Variants in ZNF407 observed in about 807,000 individuals in gnomAD.
The protein encoded by ZNF407 is zinc finger protein 407.
A neutral mutation model predicts 131.2 loss-of-function variants in ZNF407; 17 were observed. That is an observed-to-expected ratio of 0.13 (90% CI 0.09 to 0.19). The LOEUF (loss-of-function observed/expected upper bound fraction) is 0.19, where lower values mean the gene tolerates loss of function less well. Ranked by LOEUF, ZNF407 falls within the 10% of genes least tolerant of loss-of-function variation. The pLI is 1.00. For missense variants in ZNF407, 2,681 were observed against 2,830.6 expected (o/e 0.95, Z 1.20); for synonymous variants, 1,156 against 1,062.0 (o/e 1.09, Z -1.72).
chr18:74,668,073 A>AC (rs1241390028), intron 3 of ZNF407, among the ~76,000 whole-genome samples: 2 of 152,008 alleles, frequency 1.3e-5, no homozygotes, highest in African/African-American at 4.8e-5. Context: ...AGCATCCCTA[A>AC]CCCAAGAACC....
intron 3 of ZNF407, among the ~76,000 whole-genome samples, chr18:74,684,923 C>T (rs1967063419): frequency 6.6e-6 from 1 of 151,770 alleles, no homozygotes; most frequent in Non-Finnish European, 1.5e-5. Context: ...ACTTTCTTCA[C>T]CAGTTTATTT....
At chr18:74,818,894 A>G (rs942737825) in intron 4 of ZNF407, among the ~76,000 whole-genome samples, 8 of 151,084 alleles carry the variant, frequency 5.3e-5, no homozygotes, top group African/African-American at 1.9e-4. Context: ...AAACATGAAT[A>G]AAGACTAAAG....
At chr18:75,032,973 G>C (rs1293579623) in intron 8 of ZNF407, among the ~76,000 whole-genome samples, 1 of 139,352 alleles carries the variant, frequency 7.2e-6, no homozygotes, top group Non-Finnish European at 1.5e-5. Flanking sequence ...CTCGGAATGG[G>C]GGGAAGATAG....
chr18:74,779,107 A>ATTTT (rs1164567395), intron 3 of ZNF407, among the ~76,000 whole-genome samples: 1 of 23,556 alleles, frequency 4.2e-5, no homozygotes, highest in African/African-American at 1.1e-4. Context: ...ATATATATAT[A>ATTTT]TATTTTTTTT....
At chr18:74,701,091 TC>T in intron 3 of ZNF407, among the ~76,000 whole-genome samples, 1 of 152,278 alleles carries the variant, frequency 6.6e-6, no homozygotes, top group East Asian at 1.9e-4. Flanking sequence ...ACACTTGTCC[TC>T]ACATGGCAGA....
chr18:74,635,924 G>A lies in ZNF407; in HGVS notation c.4687+218G>A, dbSNP rs1984442635. Among the ~76,000 whole-genome samples the A allele has an allele frequency of 6.6e-6, 1 of 152,178 alleles. No individual in the cohort carries two copies. The highest frequency in any genetic ancestry group is 6.5e-5 in the Admixed American group (1 of 15,284). On this transcript the variant is annotated intron_variant, in intron 2 of 8. Coordinates refer to ENST00000299687, the MANE Select transcript of ZNF407 (RefSeq NM_017757.3). The surrounding 1 kb of genome is among the most constrained non-coding windows in gnomAD (Gnocchi z 4.7). Reference sequence around the variant, plus strand: ...ATTTCAAAGGCAGGTTAGCTGACAAGTTTCTTTTAATTTTGTCAAAAAGCC... The same window carrying A: ...ATTTCAAAGGCAGGTTAGCTGACAAATTTCTTTTAATTTTGTCAAAAAGCC...
chr18:74,742,291 A>C (rs1368591204), intron 3 of ZNF407, among the ~76,000 whole-genome samples: 1 of 152,148 alleles, frequency 6.6e-6, no homozygotes, highest in Non-Finnish European at 1.5e-5. Flanking sequence ...ATACTTTCTT[A>C]AATGTATAAA....
chr18:75,060,862 T>C (rs976898896), intron 8 of ZNF407, among the ~76,000 whole-genome samples: 55 of 152,350 alleles, frequency 3.6e-4, no homozygotes, highest in Admixed American at 1.4e-3. Flanking sequence ...TTTACAGAGT[T>C]GCCTGAGAAA....
intron 8 of ZNF407, among the ~76,000 whole-genome samples, chr18:74,994,342 A>C (rs1487876109): frequency 6.6e-6 from 1 of 152,356 alleles, no homozygotes; most frequent in East Asian, 1.9e-4. Flanking sequence ...CATCCTTGCA[A>C]CTTGTAAATT....
intron 7 of ZNF407, among the ~76,000 whole-genome samples, chr18:74,912,563 T>C (rs186087956): frequency 6.6e-6 from 1 of 152,284 alleles, no homozygotes; most frequent in East Asian, 1.9e-4. Context: ...TAACAAATGT[T>C]ATTGAGAGAG....
At chr18:75,001,357 T>C (rs1972843572) in intron 8 of ZNF407, among the ~76,000 whole-genome samples, 1 of 152,228 alleles carries the variant, frequency 6.6e-6, no homozygotes, top group African/African-American at 2.4e-5. Flanking sequence ...TAAGGTTTTA[T>C]TTTGAGCCAG....
rs75653592 is a variant in ZNF407 at position 75,048,785 on chromosome 18, A to G, written c.5429-14365A>G. 6.9e-3 allele frequency among the ~76,000 whole-genome samples: 1,055 copies of G among 152,356 alleles called. 32 individuals carry two copies. Among genetic ancestry groups the G allele is most frequent in the Admixed American group, 0.049 (746 of 15,306 alleles). On this transcript the variant is annotated intron_variant, in intron 8 of 8. Coordinates refer to ENST00000299687, the MANE Select transcript of ZNF407 (RefSeq NM_017757.3). The surrounding 1 kb of genome is among the most constrained non-coding windows in gnomAD (Gnocchi z 4.1). ...TTGCAAGCATATATTTGCAAATAAC[A>G]TATTTTGCTTGTGAACAGTTATGAT... is the stretch of plus-strand genomic sequence containing the variant.
At chr18:74,724,142 T>C (rs1392463646) in intron 3 of ZNF407, among the ~76,000 whole-genome samples, 2 of 152,198 alleles carry the variant, frequency 1.3e-5, no homozygotes, top group African/African-American at 2.4e-5. Context: ...TATAATTCTT[T>C]TGGTATTAGA....
chr18:74,834,322 A>G (rs562657096), intron 4 of ZNF407, among the ~76,000 whole-genome samples: 2 of 152,316 alleles, frequency 1.3e-5, no homozygotes, highest in East Asian at 3.9e-4. Context: ...GCATGACCCA[A>G]TTCCTTTACT....
At position 74,633,169 on chromosome 18, in the gene ZNF407, C is replaced by T. The variant is rs1181307931; in HGVS notation, c.2150C>T (p.Ser717Phe). ...AAGTGTTTTTATAAAACAAGATCTT[C>T]TACTGTTCTCACGAGACATATAAAG... ...CKKCFYKTRS[S>F]TVLTRHIKLR... Residue 717 changes from serine (S) to phenylalanine (F), a missense_variant, in exon 2 of 9, where the codon TCT becomes TTT. Ser to Phe is a radical substitution (Grantham distance 155). Coordinates refer to ENST00000299687, the MANE Select transcript of ZNF407 (RefSeq NM_017757.3). 13 of 1,613,418 alleles carry T rather than the reference C, an allele frequency of 8.1e-6. No homozygotes were observed. Among genetic ancestry groups the T allele is most frequent in the South Asian group, 3.3e-5 (3 of 90,958 alleles).
In ZNF407 at chr18:74,887,466, A is replaced by G. The variant is rs182031976; in HGVS notation, c.5129-2452A>G. ...TGGTATATAGTCTTTAAAAAAAAACATAAGAATAAGTCAAACAAATATTTC... is the reference window on the plus strand; with the variant it reads ...TGGTATATAGTCTTTAAAAAAAAACGTAAGAATAAGTCAAACAAATATTTC... On this transcript the variant is annotated intron_variant, in intron 6 of 8. Coordinates refer to ENST00000299687, the MANE Select transcript of ZNF407 (RefSeq NM_017757.3). 3.0e-3 allele frequency among the ~76,000 whole-genome samples: 464 copies of G among 152,264 alleles called. 3 individuals are homozygous for G. Among genetic ancestry groups the G allele is most frequent in the African/African-American group, 0.01 (427 of 41,562 alleles).
intron 8 of ZNF407, among the ~76,000 whole-genome samples, chr18:75,013,903 G>A (rs1973012892): frequency 6.6e-6 from 1 of 152,116 alleles, no homozygotes. Flanking sequence ...GTACCTCAGT[G>A]TATGCAGTAC....
chr18:74,662,815 A>AT (rs1985770024), intron 3 of ZNF407, among the ~76,000 whole-genome samples: 1 of 152,206 alleles, frequency 6.6e-6, no homozygotes, highest in South Asian at 2.1e-4. Context: ...AAAGTATTCA[A>AT]TTGTCACTCT....
In ZNF407 at chr18:74,633,205, G is replaced by A. The variant is rs775657637; in HGVS notation, c.2186G>A (p.Gly729Asp). 1 of 1,613,804 alleles carries A rather than the reference G, an allele frequency of 6.2e-7. No individual in the cohort carries two copies. Among genetic ancestry groups the A allele is most frequent in the South Asian group, 1.1e-5 (1 of 91,056 alleles). The change falls in exon 2 of 9, where the codon GGT (glycine) becomes GAT (aspartate). Residue 729 changes from glycine to aspartate, a missense_variant. Gly to Asp is a moderately conservative substitution (Grantham distance 94). Transcript: ENST00000299687. ...ACGAGACATATAAAGCTTCGGCATG[G>A]TCAAGACTATCATTTTCTTTGTAAA... ...VLTRHIKLRH[G>D]QDYHFLCKAC...
Sources: gnomAD v4.1 joint callset for allele counts (sites outside exome capture counted in the v4.1 genomes callset) on GRCh38, gnomAD v4.1.1 for gene constraint, Gnocchi (gnomAD v3.1) non-coding constraint, MANE v1.5 for transcripts, NCBI Gene and HGNC (gene_info 2026-07-23, HGNC 2026-07-21) for gene names.